MGAT4C: variants seen among roughly 807,000 people sequenced by gnomAD.
The protein encoded by MGAT4C is alpha-1,3-mannosyl-glycoprotein 4-beta-N-acetylglucosaminyltransferase C.
A neutral mutation model predicts 40.1 loss-of-function variants in MGAT4C; 19 were observed. That is an observed-to-expected ratio of 0.47 (90% CI 0.33 to 0.70). MGAT4C has a LOEUF of 0.70. Ranked by LOEUF, MGAT4C falls within the 30% of genes least tolerant of loss-of-function variation. MGAT4C has a pLI of 0.02. For missense variants in MGAT4C, 491 were observed against 563.2 expected (o/e 0.87, Z 1.30); for synonymous variants, 181 against 187.1 (o/e 0.97, Z 0.27).
chr12:86,637,373 C>T (rs1228308458), intron 2 of MGAT4C, among the ~76,000 whole-genome samples: 1 of 151,952 alleles, frequency 6.6e-6, no homozygotes, highest in Non-Finnish European at 1.5e-5. Flanking sequence ...TTTCAGACTA[C>T]ACAATTCTGA....
intron 1 of MGAT4C, among the ~76,000 whole-genome samples, chr12:86,242,703 G>C (rs144776640): frequency 1.3e-5 from 2 of 152,016 alleles, no homozygotes; most frequent in East Asian, 3.9e-4. Context: ...ATGGAGGAAG[G>C]GGGTGGCTGA....
chr12:86,452,557 C>A (rs1394148740), intron 2 of MGAT4C, among the ~76,000 whole-genome samples: 1 of 151,832 alleles, frequency 6.6e-6, no homozygotes, highest in African/African-American at 2.4e-5. Flanking sequence ...GAAAATGCCT[C>A]AAAGTAAATT....
chr12:86,576,323 C>T (rs913660888), intron 2 of MGAT4C, among the ~76,000 whole-genome samples: 4 of 151,794 alleles, frequency 2.6e-5, no homozygotes, highest in Admixed American at 6.6e-5. Context: ...TGTGCAAAAG[C>T]TTTTTAATCT....
intron 1 of MGAT4C, among the ~76,000 whole-genome samples, chr12:86,774,751 G>A (rs1030303239): frequency 6.6e-6 from 1 of 151,908 alleles, no homozygotes; most frequent in African/African-American, 2.4e-5. Flanking sequence ...ATTTTAAAAA[G>A]CATTTTGAAG....
At chr12:86,778,056 T>G (rs1951774113) in intron 1 of MGAT4C, among the ~76,000 whole-genome samples, 1 of 152,186 alleles carries the variant, frequency 6.6e-6, no homozygotes, top group Admixed American at 6.5e-5. Flanking sequence ...ATGATTCATA[T>G]CTCACCTCCA....
chr12:86,418,625 T>TAAAG (rs1956765413), intron 3 of MGAT4C, among the ~76,000 whole-genome samples: 1 of 150,750 alleles, frequency 6.6e-6, no homozygotes, highest in Middle Eastern at 3.4e-3. Context: ...AATAAATAAA[T>TAAAG]AAATGTAATG....
chr12:86,245,141 C>G (rs1044433288), intron 1 of MGAT4C, among the ~76,000 whole-genome samples: 1 of 152,152 alleles, frequency 6.6e-6, no homozygotes, highest in Admixed American at 6.5e-5. Flanking sequence ...ATGGTGAGAT[C>G]AGCCATCTAC....
intron 1 of MGAT4C, among the ~76,000 whole-genome samples, chr12:86,183,672 T>C (rs1478956119): frequency 6.6e-6 from 1 of 152,044 alleles, no homozygotes; most frequent in Non-Finnish European, 1.5e-5. Context: ...GCCAATTTGG[T>C]TCCTGGTGAA....
chr12:86,534,396 C>A (rs750111081), intron 2 of MGAT4C, among the ~76,000 whole-genome samples: 3 of 152,074 alleles, frequency 2.0e-5, no homozygotes, highest in Non-Finnish European at 2.9e-5. Context: ...CTAATGTATA[C>A]CTTACATGTA....
Position 85,962,528 on chromosome 12 carries a change from C to T in MGAT4C, c.*16761G>A, listed in dbSNP as rs1356462674. ...TTCAACATGATATGTATGGTTATTACTAAATGTATAATACATTTAGTAATG... is the reference window on the plus strand; with the variant it reads ...TTCAACATGATATGTATGGTTATTATTAAATGTATAATACATTTAGTAATG... On this transcript the variant is annotated 3_prime_UTR_variant, in exon 5 of 5. Coordinates refer to ENST00000611864, the MANE Select transcript of MGAT4C (RefSeq NM_001351288.2). 3 of 149,472 alleles carry T rather than the reference C, an allele frequency of 2.0e-5. No homozygotes were observed. Among genetic ancestry groups the T allele is most frequent in the African/African-American group, 7.3e-5 (3 of 40,990 alleles). The allele number at this position is 149,472 out of a possible 1,614,324, so 9.3% of individuals were successfully genotyped here. A position where few individuals can be genotyped will look rare whatever the true frequency, so the allele number is the denominator to read the frequency against.
intron 3 of MGAT4C, among the ~76,000 whole-genome samples, chr12:86,412,320 T>C (rs899072011): frequency 2.0e-5 from 3 of 152,148 alleles, no homozygotes; most frequent in African/African-American, 7.2e-5. Context: ...AGGCACTCAA[T>C]GTTAGCCCTT....
intron 3 of MGAT4C, 53 bp downstream of exon 3, chr12:85,989,347 T>C (rs530669987): frequency 2.0e-6 from 3 of 1,473,490 alleles, no homozygotes; most frequent in South Asian, 2.9e-5. Context: ...GACTAATTCT[T>C]GTTTGACTTA....
chr12:86,800,218 C>A (rs1480762036), intron 1 of MGAT4C, among the ~76,000 whole-genome samples: 1 of 151,852 alleles, frequency 6.6e-6, no homozygotes, highest in African/African-American at 2.4e-5. Context: ...GCATTTCTGA[C>A]AGTGCTAGTT....
intron 2 of MGAT4C, among the ~76,000 whole-genome samples, chr12:86,643,058 A>G (rs1381496231): frequency 6.6e-6 from 1 of 151,796 alleles, no homozygotes; most frequent in Non-Finnish European, 1.5e-5. Context: ...TTACAGCAGA[A>G]TACTATATAC....
chr12:86,451,897 T>C (rs1957429842), intron 2 of MGAT4C, among the ~76,000 whole-genome samples: 1 of 152,122 alleles, frequency 6.6e-6, no homozygotes, highest in South Asian at 2.1e-4. Context: ...CTTTCAATAT[T>C]CTATTTTTCA....
chr12:86,135,075 G>T (rs563309128), intron 1 of MGAT4C, among the ~76,000 whole-genome samples: 38 of 152,162 alleles, frequency 2.5e-4, no homozygotes, highest in African/African-American at 9.2e-4. Flanking sequence ...AACTATACCT[G>T]TTTTATTTCT....
intron 2 of MGAT4C, among the ~76,000 whole-genome samples, chr12:86,686,688 C>A (rs1237693067): frequency 6.6e-6 from 1 of 152,146 alleles, no homozygotes; most frequent in African/African-American, 2.4e-5. Flanking sequence ...ATGAAGTCAA[C>A]TTGATCATGG....
intron 2 of MGAT4C, among the ~76,000 whole-genome samples, chr12:86,466,819 T>C (rs6538043): frequency 0.9 from 137,461 of 152,182 alleles, 62,223 homozygotes; most frequent in East Asian, 1. Flanking sequence ...ACTTTCCCTT[T>C]AATTTTGCTG....
chr12:86,510,389 C>T (rs1050147713), intron 2 of MGAT4C, among the ~76,000 whole-genome samples: 2 of 152,076 alleles, frequency 1.3e-5, no homozygotes, highest in African/African-American at 2.4e-5. Context: ...CAAAAAAATG[C>T]CAAATTGTAA....
Sources: allele counts gnomAD v4.1 joint callset (sites outside exome capture counted in the v4.1 genomes callset), GRCh38; gene constraint gnomAD v4.1.1; transcripts MANE v1.5; gene names NCBI Gene and HGNC (gene_info 2026-07-23, HGNC 2026-07-21).